Variants in YRDC observed in about 807,000 individuals in gnomAD.
YRDC encodes the protein yrdC N6-threonylcarbamoyltransferase domain containing.
Under a neutral mutation model 21.5 loss-of-function variants are expected in YRDC, and 17 were observed. The observed-to-expected ratio is 0.79, with a 90% CI of 0.54 to 1.19. The LOEUF (loss-of-function observed/expected upper bound fraction) is 1.19, where lower values mean the gene tolerates loss of function less well. YRDC is among the 50% of genes most tolerant of loss of function. The pLI is 0.00. For missense variants in YRDC, 380 were observed against 397.1 expected (o/e 0.96, Z 0.37); for synonymous variants, 193 against 176.7 (o/e 1.09, Z -0.73).
chr1:37,804,462 G>A lies in YRDC; in HGVS notation c.625-18C>T. ...TGGAACTCCTGAGAAGAGGGAGAAGGAAGAGCATGGACACTATCCCTGGTG... is the reference window on the plus strand; with the variant it reads ...TGGAACTCCTGAGAAGAGGGAGAAGAAAGAGCATGGACACTATCCCTGGTG... On this transcript the variant is annotated intron_variant, in intron 3 of 4. Coordinates refer to ENST00000373044, the MANE Select transcript of YRDC (RefSeq NM_024640.4). The A allele has an allele frequency of 6.2e-7, 1 of 1,606,528 alleles. No homozygotes were observed. The highest frequency in any genetic ancestry group is 8.5e-7 in the Non-Finnish European group (1 of 1,174,558).
chr1:37,807,448 A>G (rs1211394954), intron 1 of YRDC: 5 of 594,058 alleles, frequency 8.4e-6, no homozygotes, highest in Non-Finnish European at 1.5e-5. Flanking sequence ...CACCGCTGTG[A>G]TATCATGATA....
At position 37,803,849 on chromosome 1, in the gene YRDC, G is replaced by A. The variant is rs1452491664; in HGVS notation, c.*76C>T. ...CCTAGCTCCGGTGGCCTCTGCAAAT[G>A]AGGCCTTGACAGTCGTCAGTGGACA... is the stretch of plus-strand genomic sequence containing the variant. On this transcript the variant is annotated 3_prime_UTR_variant, in exon 5 of 5. Coordinates refer to ENST00000373044, the MANE Select transcript of YRDC (RefSeq NM_024640.4). The A allele has an allele frequency of 6.5e-7, 1 of 1,544,852 alleles. No homozygotes were observed. Among genetic ancestry groups the A allele is most frequent in the Non-Finnish European group, 8.9e-7 (1 of 1,122,964 alleles).
rs1646751740 is a variant in YRDC at position 37,807,860 on chromosome 1, G to C, written c.321C>G (p.Tyr107Ter). The change falls in exon 1 of 5, where the codon TAC becomes TAG. Residue 107 changes from tyrosine (Y) to a stop codon, truncating the protein, a stop_gained. Coordinates refer to ENST00000373044, the MANE Select transcript of YRDC (RefSeq NM_024640.4). LOFTEE classifies it high-confidence loss of function. ...TGGCCTCGCTGCGACCCTTGAGGCG[G>C]TACACAGCGCGCAGAGCCGCCGAGC... ...ASCSAALRAV[Y>*]RLKGRSEAKP... is the part of the protein sequence containing the mutation. The C allele has an allele frequency of 6.7e-7, 1 of 1,491,324 alleles. No homozygotes were observed. Among genetic ancestry groups the C allele is most frequent in the Non-Finnish European group, 8.9e-7 (1 of 1,123,004 alleles). The allele number at this position is 1,491,324 out of a possible 1,614,324, so 92.4% of individuals were successfully genotyped here.
chr1:37,805,409 T>C lies in YRDC; in HGVS notation c.625-965A>G, dbSNP rs191576758. ...TCAGGGTAGGAAGAGTAGAACATGG[T>C]AGATTCTGCATGCCACCAGCACTCA... On this transcript the variant is annotated intron_variant, in intron 3 of 4. Coordinates refer to ENST00000373044, the MANE Select transcript of YRDC (RefSeq NM_024640.4). 2.6e-5 allele frequency among the ~76,000 whole-genome samples: 4 copies of C among 152,320 alleles called. No individual in the cohort carries two copies. The East Asian group carries it at 7.7e-4, about 29-fold the overall frequency.
intron 1 of YRDC, chr1:37,807,571 G>T: frequency 2.2e-6 from 2 of 922,090 alleles, no homozygotes; most frequent in South Asian, 2.1e-5. Context: ...AATACGCCAA[G>T]GGAACAGGGT....
chr1:37,805,198 T>A (rs1205915134), intron 3 of YRDC, among the ~76,000 whole-genome samples: 2 of 152,182 alleles, frequency 1.3e-5, no homozygotes, highest in African/African-American at 4.8e-5. Flanking sequence ...AGATGGAGGT[T>A]GCAGTGAGCT....
Position 37,807,085 on chromosome 1 carries a change from A to G in YRDC, c.504+16T>C, listed in dbSNP as rs756942258. 9.3e-6 allele frequency: 15 copies of G among 1,614,144 alleles called. No individual in the cohort carries two copies. The highest frequency in any genetic ancestry group is 1.2e-5 in the Non-Finnish European group (14 of 1,179,984). On this transcript the variant is annotated intron_variant, in intron 2 of 4. Coordinates refer to ENST00000373044, the MANE Select transcript of YRDC (RefSeq NM_024640.4). ...GTGGCCTGGAGTCTGGGGACACAAG[A>G]GAAAACTTGACTCACAGGCGTAAAA...
chr1:37,807,352 A>G, intron 1 of YRDC, 137 bp from the exon 2 acceptor site: 1 of 818,776 alleles, frequency 1.2e-6, no homozygotes, highest in Non-Finnish European at 1.9e-6. Flanking sequence ...TCACCTCCCT[A>G]AGAGCTTGAG....
Position 37,806,902 on chromosome 1 carries a change from G to A in YRDC, c.579C>T (p.Leu193=), listed in dbSNP as rs540380205. ...LAQMFEGPLA[L]TSANLSSQAS... ...CCTGGGAGCTGAGGTTGGCACTAGTGAGAGCAAGCGGACCCTCAAACATCT... is the reference window on the plus strand; with the variant it reads ...CCTGGGAGCTGAGGTTGGCACTAGTAAGAGCAAGCGGACCCTCAAACATCT... The change falls in exon 3 of 5, where the codon CTC becomes CTT. Residue 193 remains leucine (L), a synonymous_variant. Coordinates refer to ENST00000373044, the MANE Select transcript of YRDC (RefSeq NM_024640.4). 1.2e-6 allele frequency: 2 copies of A among 1,614,066 alleles called. No individual in the cohort carries two copies. Among genetic ancestry groups the A allele is most frequent in the Non-Finnish European group, 1.7e-6 (2 of 1,180,044 alleles).
At chr1:37,804,185 C>T in intron 4 of YRDC, 117 bp downstream of exon 4, 1 of 1,503,546 alleles carries the variant, frequency 6.7e-7, no homozygotes, top group Admixed American at 2.0e-5. Context: ...TTCTCCAAAC[C>T]TGGCCCACAC....
intron 3 of YRDC, among the ~76,000 whole-genome samples, chr1:37,806,529 G>A (rs924011900): frequency 3.0e-4 from 46 of 152,098 alleles, no homozygotes; most frequent in Admixed American, 2.9e-3. Context: ...CAGCACTGTC[G>A]TGAAGATTTA....
At chr1:37,804,508 C>A in intron 3 of YRDC, 64 bp from the exon 4 acceptor site, 2 of 1,548,930 alleles carry the variant, frequency 1.3e-6, no homozygotes, top group African/African-American at 2.7e-5. Context: ...TGTCAAACTG[C>A]ACGCAGTCAT....
chr1:37,805,895 C>T (rs1646731552), intron 3 of YRDC, among the ~76,000 whole-genome samples: 1 of 152,178 alleles, frequency 6.6e-6, no homozygotes, highest in Non-Finnish European at 1.5e-5. Flanking sequence ...CCAAGGAAGG[C>T]CCAAGGCCTG....
At position 37,806,889 on chromosome 1, in the gene YRDC, G is replaced by A; in HGVS notation, c.592C>T (p.Leu198Phe). Residue 198 changes from leucine (L) to phenylalanine (F), a missense_variant, in exon 3 of 5, where the codon CTC (leucine) becomes TTC (phenylalanine). Physicochemically the swap from Leu to Phe is conservative, Grantham distance 22 (BLOSUM62 0). Around this residue, in one of 3 missense-constraint regions of YRDC, gnomAD observed 238 missense variants for 236.5 expected, o/e 1.01. Coordinates refer to ENST00000373044, the MANE Select transcript of YRDC (RefSeq NM_024640.4). ...TTCAGAGAACTGGCCTGGGAGCTGA[G>A]GTTGGCACTAGTGAGAGCAAGCGGA... ...EGPLALTSAN[L>F]SSQASSLNVE... The A allele has an allele frequency of 6.2e-7, 1 of 1,614,190 alleles. No individual in the cohort carries two copies. The highest frequency in any genetic ancestry group is 8.5e-7 in the Non-Finnish European group (1 of 1,180,038).
In YRDC at chr1:37,803,794, GAC is replaced by G. The variant is rs1260660027; in HGVS notation, c.*129_*130del. 3 of 943,560 alleles carry G rather than the reference GAC, an allele frequency of 3.2e-6. No homozygotes were observed. The highest frequency in any genetic ancestry group is 3.3e-5 in the African/African-American group (2 of 61,240). The allele number at this position is 943,560 out of a possible 1,614,324, so 58.4% of individuals were successfully genotyped here. A position where few individuals can be genotyped will look rare whatever the true frequency, so the allele number is the denominator to read the frequency against. On this transcript the variant is annotated 3_prime_UTR_variant, in exon 5 of 5. Transcript: ENST00000373044. ...GGGCTTGGTCTACAGTGCTCAGAAA[GAC>G]ACACTGCCTTAAAAGTCAGGCTAGT...
chr1:37,807,154 G>C lies in YRDC; in HGVS notation c.451C>G (p.Leu151Val). ...AGCTCCTCCGAGCGTTCCATCACCAGGGTCACTGGTCCTGGCAGTAGGTCT... is the reference window on the plus strand; with the variant it reads ...AGCTCCTCCGAGCGTTCCATCACCACGGTCACTGGTCCTGGCAGTAGGTCT... ...LKDLLPGPVT[L>V]VMERSEELNK... is the part of the protein sequence containing the mutation. Residue 151 changes from leucine (L) to valine (V), a missense_variant, in exon 2 of 5, where the codon CTG becomes GTG. Leu to Val is a conservative substitution (Grantham distance 32). Around this residue, in one of 3 missense-constraint regions of YRDC, gnomAD observed 238 missense variants for 236.5 expected, o/e 1.01. Coordinates refer to ENST00000373044, the MANE Select transcript of YRDC (RefSeq NM_024640.4). 1 of 1,614,162 alleles carries C rather than the reference G, an allele frequency of 6.2e-7. No homozygotes were observed.
chr1:37,804,615 CTA>C (rs1186590544), intron 3 of YRDC, among the ~76,000 whole-genome samples, 171 bp from the exon 4 acceptor site: 2 of 152,222 alleles, frequency 1.3e-5, no homozygotes, highest in Non-Finnish European at 2.9e-5. Context: ...ACACTGTATT[CTA>C]TGAGGTTTGG....
At position 37,808,057 on chromosome 1, in the gene YRDC, C is replaced by T. The variant is rs1177336189; in HGVS notation, c.124G>A (p.Ala42Thr). The T allele has an allele frequency of 5.3e-6, 7 of 1,326,010 alleles. No individual in the cohort carries two copies. Among genetic ancestry groups the T allele is most frequent in the South Asian group, 2.0e-5 (1 of 51,110 alleles). 82.1% of individuals were successfully genotyped at this position (1,326,010 alleles called of 1,614,324 possible). A position where few individuals can be genotyped will look rare whatever the true frequency, so the allele number is the denominator to read the frequency against. Reference sequence around the variant, plus strand: ...AGCCGCAACAGCCGGGCGCCGGGGGCCGCCGGAGCGGGACTCGGCGGGCGG... The same window carrying T: ...AGCCGCAACAGCCGGGCGCCGGGGGTCGCCGGAGCGGGACTCGGCGGGCGG... Reference protein sequence around the residue: ...LFRPPSPAPAAPGARLLRLPG... With the variant: ...LFRPPSPAPATPGARLLRLPG... Residue 42 changes from alanine (A) to threonine (T), a missense_variant, in exon 1 of 5, where the codon GCC becomes ACC. Transcript: ENST00000373044.
intron 1 of YRDC, 25 bp downstream of exon 1, chr1:37,807,767 C>A (rs751141174): frequency 2.0e-6 from 3 of 1,479,720 alleles, no homozygotes; most frequent in South Asian, 1.3e-5. Context: ...CCGCCCCTAG[C>A]GGGGCCGGGT....
Sources: gnomAD v4.1 joint callset for allele counts (sites outside exome capture counted in the v4.1 genomes callset) on GRCh38, gnomAD v4.1.1 for gene constraint, gnomAD v4.1.1 regional missense constraint, MANE v1.5 for transcripts, NCBI Gene and HGNC (gene_info 2026-07-23, HGNC 2026-07-21) for gene names.